Variants in IL17RD observed in about 807,000 individuals in gnomAD.
IL17RD encodes interleukin 17 receptor D.
IL17RD carries 52 observed loss-of-function variants against 80.5 expected under a neutral mutation model. The ratio of observed to expected loss-of-function variants is 0.65; its 90% CI spans 0.52 to 0.81. The LOEUF (loss-of-function observed/expected upper bound fraction) is 0.81, where lower values mean the gene tolerates loss of function less well. IL17RD is among the 40% of genes least tolerant of loss of function. The probability of loss-of-function intolerance (pLI) is 0.00; values close to 1 mark genes in which losing one functional copy is unlikely to be tolerated. For synonymous variants in IL17RD, 416 were observed against 391.8 expected (o/e 1.06, Z -0.73); for missense variants, 1,024 against 955.1 (o/e 1.07, Z -0.95).
intron 1 of IL17RD, among the ~76,000 whole-genome samples, chr3:57,126,329 A>G (rs958847807): frequency 6.6e-6 from 1 of 152,226 alleles, no homozygotes; most frequent in Non-Finnish European, 1.5e-5. Context: ...CTCTATGGTC[A>G]GTAGGGACGG....
At chr3:57,127,373 TATATAA>T (rs1559477301) in intron 1 of IL17RD, among the ~76,000 whole-genome samples, 1 of 95,264 alleles carries the variant, frequency 1.0e-5, no homozygotes, top group East Asian at 3.3e-4. Context: ...TAAATATATA[TATATAA>T]ATAAATAAAT....
intron 1 of IL17RD, among the ~76,000 whole-genome samples, chr3:57,151,798 A>C (rs1394271894): frequency 6.6e-6 from 1 of 152,170 alleles, no homozygotes; most frequent in Non-Finnish European, 1.5e-5. Context: ...ATCAAGGTTA[A>C]GGCTGCAAGT....
upstream of IL17RD, among the ~76,000 whole-genome samples, chr3:57,168,419 T>A (rs1225144974): frequency 1.3e-5 from 2 of 152,146 alleles, no homozygotes; most frequent in Non-Finnish European, 2.9e-5. Context: ...GAGCACAAGC[T>A]TTCCTGAAGC....
At chr3:57,105,552 A>AAAAAAAAAAAAAATATATAT in intron 7 of IL17RD, among the ~76,000 whole-genome samples, 5 of 63,590 alleles carry the variant, frequency 7.9e-5, no homozygotes, top group African/African-American at 4.7e-4. Context: ...AAAAAAAAAA[A>AAAAAAAAAAAAAATATATAT]ATATATATAT....
At chr3:57,101,428 T>C in intron 10 of IL17RD, 65 bp from the exon 11 acceptor site, 1 of 1,056,646 alleles carries the variant, frequency 9.5e-7, no homozygotes, top group Non-Finnish European at 1.4e-6. Flanking sequence ...TCCTAAGAAT[T>C]GAAACCCAGT....
chr3:57,104,409 TG>T lies in IL17RD; in HGVS notation c.748-3del. ...GCTGGTCGTCTCTGTAGTTTGCTCCTGCAACAGACCAAAGAACACTTTAAAA... is the reference window on the plus strand; with the variant it reads ...GCTGGTCGTCTCTGTAGTTTGCTCCTCAACAGACCAAAGAACACTTTAAAA... On this transcript the variant is annotated splice_polypyrimidine_tract_variant and splice_region_variant and intron_variant, in intron 7 of 12. Transcript: ENST00000296318. 1 of 1,600,782 alleles carries T rather than the reference TG, an allele frequency of 6.2e-7. No homozygotes were observed. The highest frequency in any genetic ancestry group is 8.6e-7 in the Non-Finnish European group (1 of 1,169,568).
chr3:57,126,762 A>G (rs1707466915), intron 1 of IL17RD, among the ~76,000 whole-genome samples: 1 of 152,220 alleles, frequency 6.6e-6, no homozygotes, highest in South Asian at 2.1e-4. Context: ...TCAGAAAGCC[A>G]GTAATGTTTT....
At chr3:57,109,791 G>T in intron 4 of IL17RD, 134 bp from the exon 5 acceptor site, 1 of 894,944 alleles carries the variant, frequency 1.1e-6, no homozygotes, top group Non-Finnish European at 1.7e-6. Flanking sequence ...AGGGAAGCAG[G>T]AAGTCAGGTC....
At chr3:57,100,768 G>C (rs574202856) in intron 11 of IL17RD, among the ~76,000 whole-genome samples, 1 of 152,138 alleles carries the variant, frequency 6.6e-6, no homozygotes, top group East Asian at 1.9e-4. Flanking sequence ...ACAATTGTGC[G>C]AACTCACTGC....
intron 1 of IL17RD, among the ~76,000 whole-genome samples, chr3:57,137,693 G>C (rs1172926871): frequency 1.3e-5 from 2 of 152,146 alleles, no homozygotes; most frequent in East Asian, 3.9e-4. Context: ...GGTGAGTCCT[G>C]GTCACCAGCC....
chr3:57,104,807 C>A (rs1037088174), intron 7 of IL17RD, among the ~76,000 whole-genome samples: 10 of 152,140 alleles, frequency 6.6e-5, no homozygotes, highest in Admixed American at 3.3e-4. Context: ...GAGATGAGAG[C>A]CAGCAAGGAG....
At chr3:57,108,066 T>TTTTTC in intron 5 of IL17RD, among the ~76,000 whole-genome samples, 1 of 151,754 alleles carries the variant, frequency 6.6e-6, no homozygotes, top group Non-Finnish European at 1.5e-5. Context: ...TCCTTTTTTT[T>TTTTTC]TTTTTCTTTT....
At chr3:57,137,300 C>T (rs1025306026) in intron 1 of IL17RD, among the ~76,000 whole-genome samples, 2 of 152,294 alleles carry the variant, frequency 1.3e-5, no homozygotes, top group Non-Finnish European at 2.9e-5. Context: ...GCTGAAATAG[C>T]CAAGTGGGTT....
chr3:57,097,875 G>T lies in IL17RD; in HGVS notation c.1828C>A (p.Leu610Ile). 1.9e-6 allele frequency: 3 copies of T among 1,613,838 alleles called. No individual in the cohort carries two copies. The highest frequency in any genetic ancestry group is 2.5e-6 in the Non-Finnish European group (3 of 1,179,884). The stretch of plus-strand genomic sequence containing the variant: ...GAGTCGGCTGGTCCGGTTGCCCCAA[G>T]AACAGCCGCCTCTACCTTTAGGCAG... ...DFCLKVEAAV[L>I]GATGPADSQH... is the part of the protein sequence containing the mutation. Residue 610 changes from leucine to isoleucine, a missense_variant, in exon 12 of 13, where the codon CTT becomes ATT. Coordinates refer to ENST00000296318, the MANE Select transcript of IL17RD (RefSeq NM_017563.5).
chr3:57,115,216 ATTGT>A (rs1707190151), intron 2 of IL17RD, among the ~76,000 whole-genome samples: 1 of 152,206 alleles, frequency 6.6e-6, no homozygotes, highest in African/African-American at 2.4e-5. Flanking sequence ...TAACTTGGGC[ATTGT>A]TTGTTTTTAG....
chr3:57,166,383 TAGGC>T (rs2060348230), upstream of IL17RD, among the ~76,000 whole-genome samples: 1 of 152,168 alleles, frequency 6.6e-6, no homozygotes, highest in Non-Finnish European at 1.5e-5. Flanking sequence ...ATTAAAACTC[TAGGC>T]TGAGTGCAGT....
chr3:57,141,725 C>G (rs921577265), intron 1 of IL17RD, among the ~76,000 whole-genome samples: 2 of 152,126 alleles, frequency 1.3e-5, no homozygotes, highest in African/African-American at 4.8e-5. Context: ...TCTCCCCATA[C>G]TAGAACACCA....
chr3:57,111,339 G>A (rs1229373652), intron 3 of IL17RD, among the ~76,000 whole-genome samples: 4 of 152,176 alleles, frequency 2.6e-5, no homozygotes, highest in African/African-American at 9.7e-5. Context: ...GTAGGGAAGA[G>A]GAGCAACAAT....
chr3:57,111,034 G>T (rs1253306850), intron 3 of IL17RD, among the ~76,000 whole-genome samples: 5 of 152,206 alleles, frequency 3.3e-5, no homozygotes, highest in Non-Finnish European at 5.9e-5. Context: ...GCTTTCAAAA[G>T]GATTAAGCTC....
Sources: allele counts gnomAD v4.1 joint callset (sites outside exome capture counted in the v4.1 genomes callset), GRCh38; gene constraint gnomAD v4.1.1; transcripts MANE v1.5; gene names NCBI Gene and HGNC (gene_info 2026-07-23, HGNC 2026-07-21).